TAMM41: variants seen among roughly 807,000 people sequenced by gnomAD.
TAMM41 encodes TAM41 mitochondrial translocator assembly and maintenance homolog, also known as phosphatidate cytidylyltransferase, mitochondrial.
In TAMM41, 36 loss-of-function variants were observed where a neutral mutation model predicts 44.1. The ratio of observed to expected loss-of-function variants is 0.82; its 90% CI spans 0.63 to 1.08. TAMM41 has a LOEUF of 1.08. TAMM41 is among the 50% of genes least tolerant of loss of function. TAMM41 has a pLI of 0.00. For synonymous variants in TAMM41, 164 were observed against 153.1 expected, an observed-to-expected ratio of 1.07 and a Z score of -0.53; for missense variants, 417 against 404.3, an observed-to-expected ratio of 1.03 and a Z score of -0.27.
chr3:11,789,486 C>T (rs543985634), downstream of TAMM41, among the ~76,000 whole-genome samples: 8 of 152,276 alleles, frequency 5.3e-5, no homozygotes, highest in South Asian at 1.7e-3. Context: ...GTGGTTGCTT[C>T]CCAACAGCTC....
At chr3:11,839,160 A>G in intron 3 of TAMM41, 62 bp downstream of exon 3, 1 of 1,035,330 alleles carries the variant, frequency 9.7e-7, no homozygotes. Context: ...CACAATGATC[A>G]AAGTAAGGTT....
intron 7 of TAMM41, among the ~76,000 whole-genome samples, chr3:11,797,554 A>T (rs1319119146): frequency 6.6e-6 from 1 of 152,102 alleles, no homozygotes; most frequent in Middle Eastern, 3.2e-3. Context: ...CAACTTAGGC[A>T]ATACCATTCT....
chr3:11,829,996 C>A (rs1423316142), intron 3 of TAMM41, 132 bp from the exon 4 acceptor site: 6 of 814,272 alleles, frequency 7.4e-6, no homozygotes, highest in Non-Finnish European at 9.5e-6. Flanking sequence ...TCAGGTGACA[C>A]AAAATTGTTC....
At chr3:11,811,821 C>T (rs1270997570) in intron 5 of TAMM41, among the ~76,000 whole-genome samples, 1 of 152,164 alleles carries the variant, frequency 6.6e-6, no homozygotes, top group East Asian at 1.9e-4. Flanking sequence ...TATGGAGTGA[C>T]AGAAATATTC....
At position 11,790,491 on chromosome 3, in the gene TAMM41, A is replaced by G. The variant is rs1462260351; in HGVS notation, c.*14T>C. Reference sequence around the variant, plus strand: ...TTATTCATCTACACATAACATATATAAAAGCAAGCAAAATCAGGATGTTTT... The same window carrying G: ...TTATTCATCTACACATAACATATATGAAAGCAAGCAAAATCAGGATGTTTT... On this transcript the variant is annotated 3_prime_UTR_variant, in exon 8 of 8. Coordinates refer to ENST00000455809, the MANE Select transcript of TAMM41 (RefSeq NM_001284401.2). The G allele has an allele frequency of 1.2e-6, 2 of 1,611,528 alleles. No individual in the cohort carries two copies. The highest frequency in any genetic ancestry group is 1.1e-5 in the South Asian group (1 of 91,022).
chr3:11,761,119 G>T, the TAMM41 span, among the ~76,000 whole-genome samples: 2 of 149,742 alleles, frequency 1.3e-5, no homozygotes, highest in Admixed American at 1.3e-4. Context: ...AGTGAGCCGA[G>T]ATCGGGCCAC....
chr3:11,744,341 T>C, the TAMM41 span, among the ~76,000 whole-genome samples: 1 of 152,044 alleles, frequency 6.6e-6, no homozygotes, highest in Non-Finnish European at 1.5e-5. Flanking sequence ...GAGCTAGGAT[T>C]ACAGGTGTGA....
At chr3:11,729,720 C>T in the TAMM41 span, among the ~76,000 whole-genome samples, 36 of 151,576 alleles carry the variant, frequency 2.4e-4, no homozygotes, top group African/African-American at 7.3e-4. Flanking sequence ...CCACCACACC[C>T]GGCTAATTTT....
chr3:11,755,774 C>T, the TAMM41 span, among the ~76,000 whole-genome samples: 1 of 152,190 alleles, frequency 6.6e-6, no homozygotes, highest in Non-Finnish European at 1.5e-5. Flanking sequence ...CTCACCCTCT[C>T]ACCACTTCCA....
At chr3:11,750,319 T>C in the TAMM41 span, among the ~76,000 whole-genome samples, 60 of 151,844 alleles carry the variant, frequency 4.0e-4, no homozygotes, top group Non-Finnish European at 7.2e-4. Flanking sequence ...GTTCTAACCA[T>C]TGAGGGACAG....
At chr3:11,825,369 G>A (rs1178995977) in intron 4 of TAMM41, among the ~76,000 whole-genome samples, 1 of 152,148 alleles carries the variant, frequency 6.6e-6, no homozygotes, top group Non-Finnish European at 1.5e-5. Flanking sequence ...TTCCGGCTGA[G>A]GCACAGAGAA....
chr3:11,817,444 C>A, intron 4 of TAMM41, 107 bp from the exon 5 acceptor site: 1 of 1,175,872 alleles, frequency 8.5e-7, no homozygotes, highest in Admixed American at 2.2e-5. Flanking sequence ...CTGGCAGGAT[C>A]CCTCATCAGA....
the TAMM41 span, among the ~76,000 whole-genome samples, chr3:11,780,636 A>G: frequency 5.3e-5 from 8 of 152,194 alleles, no homozygotes; most frequent in African/African-American, 1.4e-4. Flanking sequence ...ATGAATAAAT[A>G]TATAGAAAGT....
At chr3:11,738,048 CT>C in the TAMM41 span, among the ~76,000 whole-genome samples, 3 of 152,222 alleles carry the variant, frequency 2.0e-5, no homozygotes, top group Admixed American at 6.5e-5. Context: ...CCCAATGCCA[CT>C]GTAAACACAA....
In TAMM41 at chr3:11,809,009, C is replaced by A. The variant is rs185623446; in HGVS notation, c.874+508G>T. ...GTGTTGGGAGTACAGGCGTGAGCCA[C>A]TGCACCTGGCCTGGGTTCAGAGTTT... On this transcript the variant is annotated intron_variant, in intron 6 of 7. Transcript: ENST00000455809. 86 of 182,900 alleles carry A rather than the reference C, an allele frequency of 4.7e-4. 1 individual carries two copies. Among genetic ancestry groups the A allele is most frequent in the Non-Finnish European group, 7.4e-4 (67 of 90,210 alleles). 11.3% of individuals were successfully genotyped at this position (182,900 alleles called of 1,614,324 possible).
the TAMM41 span, among the ~76,000 whole-genome samples, chr3:11,727,937 C>T: frequency 6.6e-6 from 1 of 151,852 alleles, no homozygotes; most frequent in Non-Finnish European, 1.5e-5. Context: ...CAGGCATGCA[C>T]CTCCACACCT....
At chr3:11,749,936 T>C in the TAMM41 span, among the ~76,000 whole-genome samples, 18 of 151,644 alleles carry the variant, frequency 1.2e-4, no homozygotes, top group East Asian at 1.2e-3. Context: ...CTTGCTCTGT[T>C]GCCCAGGCTG....
intron 7 of TAMM41, among the ~76,000 whole-genome samples, chr3:11,792,983 C>A (rs897872237): frequency 6.8e-6 from 1 of 147,184 alleles, no homozygotes; most frequent in Non-Finnish European, 1.5e-5. Flanking sequence ...ATCGCTTGAG[C>A]CCGGGAAGCG....
At chr3:11,805,069 T>G (rs2077866863) in intron 7 of TAMM41, among the ~76,000 whole-genome samples, 1 of 131,480 alleles carries the variant, frequency 7.6e-6, no homozygotes, top group Non-Finnish European at 1.6e-5. Context: ...AGTGGCACAA[T>G]CTTGGCTCAC....
Sources: allele counts gnomAD v4.1 joint callset (sites outside exome capture counted in the v4.1 genomes callset), GRCh38; gene constraint gnomAD v4.1.1; transcripts MANE v1.5; gene names NCBI Gene and HGNC (gene_info 2026-07-23, HGNC 2026-07-21).